PIK3C2B: variants seen among roughly 807,000 people sequenced by gnomAD.
PIK3C2B encodes the protein phosphatidylinositol 4-phosphate 3-kinase C2 domain-containing subunit beta.
Under a neutral mutation model 184.3 loss-of-function variants are expected in PIK3C2B, and 83 were observed. The ratio of observed to expected loss-of-function variants is 0.45; its 90% CI spans 0.38 to 0.54. PIK3C2B has a LOEUF of 0.54. PIK3C2B is among the 20% of genes least tolerant of loss of function. The pLI, the probability that PIK3C2B is intolerant of heterozygous loss-of-function variation, is 0.00. For missense variants in PIK3C2B, 1,736 were observed against 2,113.5 expected (o/e 0.82, Z 3.50); for synonymous variants, 779 against 837.6 (o/e 0.93, Z 1.21).
chr1:204,463,283 G>C (rs1655481709), intron 5 of PIK3C2B, among the ~76,000 whole-genome samples: 1 of 152,180 alleles, frequency 6.6e-6, no homozygotes, highest in African/African-American at 2.4e-5. Context: ...GGCAGGAGCG[G>C]CTCTGAAGCC....
chr1:204,492,307 C>T (rs1027184871), intron 1 of PIK3C2B, among the ~76,000 whole-genome samples: 34 of 152,168 alleles, frequency 2.2e-4, no homozygotes, highest in Admixed American at 1.0e-3. Flanking sequence ...ATCTTAGGTC[C>T]ACAAATTGTC....
At position 204,444,760 on chromosome 1, in the gene PIK3C2B, T is replaced by C. The variant is rs143559627; in HGVS notation, c.2679-336A>G. ...CCCACTGTGCCAGAAATTCCTGCCA[T>C]TGGAGGGCCCTGATGTGGGTAAAAG... is the stretch of plus-strand genomic sequence containing the variant. On this transcript the variant is annotated intron_variant, in intron 16 of 32. Transcript: ENST00000684373. Among the ~76,000 whole-genome samples, 360 of 152,358 alleles carry C rather than the reference T, an allele frequency of 2.4e-3. 3 individuals carry two copies. The highest frequency in any genetic ancestry group is 8.2e-3 in the African/African-American group (341 of 41,596).
At chr1:204,440,108 G>T in intron 22 of PIK3C2B, 84 bp downstream of exon 22, 1 of 1,398,296 alleles carries the variant, frequency 7.2e-7, no homozygotes, top group Non-Finnish European at 9.8e-7. Context: ...TCCTGGAGGA[G>T]GACACAGTTT....
In PIK3C2B at chr1:204,431,621, TC is replaced by T. The variant is rs754189862; in HGVS notation, c.4280+47del. On this transcript the variant is annotated intron_variant, in intron 28 of 32. Transcript: ENST00000684373. Reference sequence around the variant, plus strand: ...TGACCACCTCCCATCCCGTATCCTTTCCCCCTCCCCGACATCCCTCTGTGCA... The same window carrying T: ...TGACCACCTCCCATCCCGTATCCTTTCCCCTCCCCGACATCCCTCTGTGCA... 13 of 1,610,946 alleles carry T rather than the reference TC, an allele frequency of 8.1e-6. No homozygotes were observed. In the Admixed American group the frequency reaches 1.8e-4, roughly 23 times the overall value.
rs897913131 is a variant in PIK3C2B, at chr1:204,463,413, G to A, written c.1310+599C>T. 3.3e-5 allele frequency among the ~76,000 whole-genome samples: 5 copies of A among 152,156 alleles called. No individual in the cohort carries two copies. In the South Asian group the frequency reaches 1.0e-3, roughly 32 times the overall value. On this transcript the variant is annotated intron_variant, in intron 5 of 32. Coordinates refer to ENST00000684373, the MANE Select transcript of PIK3C2B (RefSeq NM_001377334.1). ...CTCCAGAGCCCAGGGTAGTGGAAAG[G>A]GGGTTGCCTCAGCTGGTCCACATCA...
At position 204,444,232 on chromosome 1, in the gene PIK3C2B, T is replaced by C. The variant is rs574763029; in HGVS notation, c.2773-70A>G. On this transcript the variant is annotated intron_variant, in intron 17 of 32. Coordinates refer to ENST00000684373, the MANE Select transcript of PIK3C2B (RefSeq NM_001377334.1). Reference sequence around the variant, plus strand: ...TGCCTGTAACCTACACTTATTATTATTGCACTGGGATCTCTGGTTTCTAAG... The same window carrying C: ...TGCCTGTAACCTACACTTATTATTACTGCACTGGGATCTCTGGTTTCTAAG... The C allele has an allele frequency of 2.8e-5, 39 of 1,417,822 alleles. No individual in the cohort carries two copies. In the Admixed American group the frequency reaches 5.5e-4, roughly 20 times the overall value. The allele number at this position is 1,417,822 out of a possible 1,614,324, so 87.8% of individuals were successfully genotyped here. A position where few individuals can be genotyped will look rare whatever the true frequency, so the allele number is the denominator to read the frequency against.
chr1:204,460,952 G>C (rs552694881), intron 5 of PIK3C2B, among the ~76,000 whole-genome samples: 1 of 152,306 alleles, frequency 6.6e-6, no homozygotes, highest in Non-Finnish European at 1.5e-5. Context: ...CTCCAGGGCT[G>C]GGAACTGTTG....
rs1460441849 is a variant in PIK3C2B, at chr1:204,424,415, T to G, written c.*437A>C. ...GTCCAAATAGTCTTCCTCTCTTGCC[T>G]TCTGGGGCATAGGTACGTCCCTTCT... On this transcript the variant is annotated 3_prime_UTR_variant, in exon 33 of 33. Transcript: ENST00000684373. 2 of 290,460 alleles carry G rather than the reference T, an allele frequency of 6.9e-6. No homozygotes were observed. The highest frequency in any genetic ancestry group is 1.4e-5 in the Non-Finnish European group (2 of 143,746). 18.0% of individuals were successfully genotyped at this position (290,460 alleles called of 1,614,324 possible). A position where few individuals can be genotyped will look rare whatever the true frequency, so the allele number is the denominator to read the frequency against.
Position 204,447,350 on chromosome 1 carries a change from C to T in PIK3C2B, c.2489+86G>A. The T allele has an allele frequency of 1.5e-6, 2 of 1,361,752 alleles. No individual in the cohort carries two copies. The highest frequency in any genetic ancestry group is 2.0e-6 in the Non-Finnish European group (2 of 975,878). The allele number at this position is 1,361,752 out of a possible 1,614,324, so 84.4% of individuals were successfully genotyped here. On this transcript the variant is annotated intron_variant, in intron 15 of 32. Coordinates refer to ENST00000684373, the MANE Select transcript of PIK3C2B (RefSeq NM_001377334.1). This position sits in a 1 kb window ranked among gnomAD's most constrained non-coding sequence, Gnocchi z 4.1. ...AGATGGCAATGCCCACCCCTTCCCA[C>T]CTCCACTCCCAAAGCAGGAGGACGG...
Position 204,469,725 on chromosome 1 carries a change from C to T in PIK3C2B, c.78G>A (p.Met26Ile). ...CATACTCCATCTGCAGGGCTTCGGC[C>T]ATCGCTAGCTCTTTGCGGCTGATGC... ...SVGISRKELA[M>I]AEALQMEYDA... The change falls in exon 2 of 33, where the codon ATG becomes ATA. Residue 26 changes from methionine to isoleucine, a missense_variant. Physicochemically the swap from Met to Ile is conservative, Grantham distance 10. Coordinates refer to ENST00000684373, the MANE Select transcript of PIK3C2B (RefSeq NM_001377334.1). 6.2e-7 allele frequency: 1 copy of T among 1,614,054 alleles called. No homozygotes were observed. Among genetic ancestry groups the T allele is most frequent in the Non-Finnish European group, 8.5e-7 (1 of 1,179,974 alleles).
In PIK3C2B at chr1:204,423,272, A is replaced by AC. The variant is rs1189238786; in HGVS notation, c.*1579dup. ...AGACCATCCTGGCCAACATGGTGAA[A>AC]CCCCGTCTCTACTAAAAATACAAAA... is the stretch of plus-strand genomic sequence containing the variant. On this transcript the variant is annotated 3_prime_UTR_variant, in exon 33 of 33. Transcript: ENST00000684373. 1.3e-5 allele frequency: 2 copies of AC among 152,132 alleles called. No individual in the cohort carries two copies. Among genetic ancestry groups the AC allele is most frequent in the African/African-American group, 4.8e-5 (2 of 41,372 alleles). The allele number at this position is 152,132 out of a possible 1,614,324, so 9.4% of individuals were successfully genotyped here. A position where few individuals can be genotyped will look rare whatever the true frequency, so the allele number is the denominator to read the frequency against.
chr1:204,432,496 C>T, intron 26 of PIK3C2B, 95 bp from the exon 27 acceptor site: 1 of 909,050 alleles, frequency 1.1e-6, no homozygotes, highest in South Asian at 1.4e-5. Flanking sequence ...ACTCCTGAGA[C>T]TAACAATCAG....
Position 204,425,132 on chromosome 1 carries a change from G to T in PIK3C2B, c.4717-92C>A. ...GAGAGGGAGATGGTAAAGTCTGTTGGGGGCTGATCCAGCTGAGGCTAGCAC... is the reference window on the plus strand; with the variant it reads ...GAGAGGGAGATGGTAAAGTCTGTTGTGGGCTGATCCAGCTGAGGCTAGCAC... On this transcript the variant is annotated intron_variant, in intron 32 of 32. Transcript: ENST00000684373. 4 of 1,052,642 alleles carry T rather than the reference G, an allele frequency of 3.8e-6. No individual in the cohort carries two copies. In the East Asian group the frequency reaches 1.0e-4, roughly 27 times the overall value. The allele number at this position is 1,052,642 out of a possible 1,614,324, so 65.2% of individuals were successfully genotyped here.
intron 2 of PIK3C2B, among the ~76,000 whole-genome samples, chr1:204,466,444 C>T (rs1655796385): frequency 7.0e-6 from 1 of 143,640 alleles, no homozygotes; most frequent in Non-Finnish European, 1.5e-5. Flanking sequence ...GGTTGACCCT[C>T]TCTTGTTAGG....
chr1:204,438,993 TC>T lies in PIK3C2B; in HGVS notation c.3457del (p.Asp1153ThrfsTer51). Reference protein sequence around the residue: ...VEHGVTGSFKDRPLADWLQKH... With the variant: ...VEHGVTGSFKXRPLADWLQKH... ...CTGCAGCCAGTCTGCCAGGGGCCGG[TC>T]CTTGAACGAGCCGGTCACCCCATGC... On this transcript the variant is annotated frameshift_variant, in exon 23 of 33. Coordinates refer to ENST00000684373, the MANE Select transcript of PIK3C2B (RefSeq NM_001377334.1). LOFTEE classifies it high-confidence loss of function. The T allele has an allele frequency of 6.2e-7, 1 of 1,614,130 alleles. No individual in the cohort carries two copies.
chr1:204,426,592 A>G (rs1472083783), intron 31 of PIK3C2B, among the ~76,000 whole-genome samples: 1 of 152,068 alleles, frequency 6.6e-6, no homozygotes, highest in African/African-American at 2.4e-5. Context: ...TCTTACTACC[A>G]TCTTCTATGC....
Position 204,438,928 on chromosome 1 carries a change from A to G in PIK3C2B, c.3516+7T>C, listed in dbSNP as rs2103477962. On this transcript the variant is annotated splice_region_variant and intron_variant, in intron 23 of 32. Coordinates refer to ENST00000684373, the MANE Select transcript of PIK3C2B (RefSeq NM_001377334.1). ...ACACCAGACGCACTCCCCACCCACA[A>G]CCCTACCTTCTCATACTCGTCCTCC... is the stretch of plus-strand genomic sequence containing the variant. The G allele has an allele frequency of 6.2e-7, 1 of 1,611,676 alleles. No homozygotes were observed.
At chr1:204,465,446 G>A (rs1655680875) in intron 2 of PIK3C2B, 127 bp from the exon 3 acceptor site, 3 of 656,346 alleles carry the variant, frequency 4.6e-6, no homozygotes, top group Non-Finnish European at 5.5e-6. Flanking sequence ...CCAATGAAAG[G>A]GGCACAAGAA....
At chr1:204,426,248 G>C (rs910347584) in intron 31 of PIK3C2B, among the ~76,000 whole-genome samples, 1 of 152,152 alleles carries the variant, frequency 6.6e-6, no homozygotes, top group Admixed American at 6.5e-5. Flanking sequence ...AAAAAGCCAC[G>C]GTTCTTACTA....
Sources: allele counts gnomAD v4.1 joint callset (sites outside exome capture counted in the v4.1 genomes callset), GRCh38; gene constraint gnomAD v4.1.1; non-coding constraint Gnocchi (gnomAD v3.1); transcripts MANE v1.5; gene names NCBI Gene and HGNC (gene_info 2026-07-23, HGNC 2026-07-21).